The following SPECC1L variants were observed in gnomAD, a reference collection of about 807,000 sequenced individuals.
SPECC1L encodes sperm antigen with calponin homology and coiled-coil domains 1 like.
Under a neutral mutation model 116.8 loss-of-function variants are expected in SPECC1L, and 40 were observed. That is an observed-to-expected ratio of 0.34 (90% CI 0.27 to 0.45). The LOEUF is 0.45. Ranked by LOEUF, SPECC1L falls within the 20% of genes least tolerant of loss-of-function variation. SPECC1L has a pLI of 1.00. For synonymous variants in SPECC1L, 504 were observed against 500.6 expected, an observed-to-expected ratio of 1.01 and a Z score of -0.09; for missense variants, 1,110 against 1,373.6, an observed-to-expected ratio of 0.81 and a Z score of 3.03.
chr22:24,370,890 A>C (rs1209565354), intron 14 of SPECC1L, among the ~76,000 whole-genome samples: 2 of 152,018 alleles, frequency 1.3e-5, no homozygotes, highest in Non-Finnish European at 2.9e-5. Context: ...TATAGAGACA[A>C]AAAGTAGAAT....
intron 11 of SPECC1L, among the ~76,000 whole-genome samples, chr22:24,358,229 G>A (rs1312016273): frequency 2.0e-5 from 3 of 149,554 alleles, no homozygotes; most frequent in Admixed American, 6.7e-5. Context: ...GTCCTCCCAC[G>A]TCAGTCCCCC....
At chr22:24,412,326 T>G in intron 15 of SPECC1L, 1 of 436,608 alleles carries the variant, frequency 2.3e-6, no homozygotes. Flanking sequence ...GGAAGCTCAT[T>G]TGATGAGTGT....
At chr22:24,399,091 A>G (rs528259433) in intron 14 of SPECC1L, among the ~76,000 whole-genome samples, 3 of 152,302 alleles carry the variant, frequency 2.0e-5, no homozygotes, top group East Asian at 1.9e-4. Flanking sequence ...CCTGACACCC[A>G]TCTCTGCCTG....
At chr22:24,383,174 T>C (rs1440775513) in intron 14 of SPECC1L, among the ~76,000 whole-genome samples, 1 of 152,242 alleles carries the variant, frequency 6.6e-6, no homozygotes, top group Non-Finnish European at 1.5e-5. Context: ...GCTTTAAATC[T>C]AACTTCAAAA....
chr22:24,360,609 A>G (rs992430888), intron 11 of SPECC1L, among the ~76,000 whole-genome samples: 4 of 152,172 alleles, frequency 2.6e-5, no homozygotes, highest in Non-Finnish European at 5.9e-5. Flanking sequence ...GAAAATTAAG[A>G]TAACTTAGAC....
intron 5 of SPECC1L, among the ~76,000 whole-genome samples, chr22:24,323,929 A>G (rs775038261): frequency 1.4e-4 from 22 of 152,212 alleles, no homozygotes; most frequent in Non-Finnish European, 2.6e-4. Flanking sequence ...TTTCAGTCCA[A>G]AGTTAGGAGA....
At chr22:24,287,955 A>G (rs1324399376) in intron 2 of SPECC1L, among the ~76,000 whole-genome samples, 1 of 152,158 alleles carries the variant, frequency 6.6e-6, no homozygotes, top group South Asian at 2.1e-4. Context: ...CAGGTAAGCA[A>G]TAAGGCCCTG....
intron 14 of SPECC1L, among the ~76,000 whole-genome samples, chr22:24,378,580 G>C (rs188152161): frequency 6.6e-6 from 1 of 152,200 alleles, no homozygotes; most frequent in African/African-American, 2.4e-5. Context: ...TAAAGTGAAA[G>C]ATGTGCGAGT....
chr22:24,288,936 T>C (rs2049104320), intron 2 of SPECC1L, among the ~76,000 whole-genome samples: 1 of 152,212 alleles, frequency 6.6e-6, no homozygotes, highest in African/African-American at 2.4e-5. Flanking sequence ...TTATAAGCTT[T>C]TTAGAAAGGA....
intron 8 of SPECC1L, 70 bp downstream of exon 8, chr22:24,330,501 G>A: frequency 1.3e-6 from 2 of 1,536,204 alleles, no homozygotes; most frequent in Non-Finnish European, 1.8e-6. Context: ...TTTTTGATGT[G>A]GTGCTATGGA....
chr22:24,309,452 G>T (rs536416199), intron 3 of SPECC1L, among the ~76,000 whole-genome samples: 38 of 152,142 alleles, frequency 2.5e-4, no homozygotes, highest in Non-Finnish European at 5.3e-4. Context: ...CCAGGCTGGA[G>T]TACAGTGGCG....
chr22:24,401,468 G>A (rs1341723083), intron 14 of SPECC1L, among the ~76,000 whole-genome samples: 1 of 152,210 alleles, frequency 6.6e-6, no homozygotes, highest in African/African-American at 2.4e-5. Context: ...CTCTGATAAC[G>A]AGGTCAGTCA....
intron 14 of SPECC1L, among the ~76,000 whole-genome samples, chr22:24,407,385 G>A (rs1049842984): frequency 1.3e-5 from 2 of 152,184 alleles, no homozygotes; most frequent in Non-Finnish European, 2.9e-5. Context: ...GCGGGGTGTT[G>A]GGTTTATCTT....
chr22:24,328,762 C>A, intron 6 of SPECC1L, 84 bp from the exon 7 acceptor site: 1 of 1,071,640 alleles, frequency 9.3e-7, no homozygotes, highest in South Asian at 1.4e-5. Context: ...TTTCGAATGT[C>A]ATATTTAAGT....
intron 6 of SPECC1L, among the ~76,000 whole-genome samples, chr22:24,327,291 A>AC (rs2040844105): frequency 6.8e-6 from 1 of 146,938 alleles, no homozygotes; most frequent in Non-Finnish European, 1.5e-5. Flanking sequence ...AAAAAAAAAA[A>AC]AAAAAAAAAA....
chr22:24,343,440 A>C (rs1049280944), intron 10 of SPECC1L: 2 of 448,598 alleles, frequency 4.5e-6, no homozygotes, highest in African/African-American at 4.0e-5. Flanking sequence ...GAAGACAACA[A>C]AATGGTTGTG....
chr22:24,394,150 G>A (rs538424419), intron 14 of SPECC1L, among the ~76,000 whole-genome samples: 14 of 152,120 alleles, frequency 9.2e-5, no homozygotes, highest in East Asian at 1.9e-4. Context: ...GAACGTTCAC[G>A]TGCAGGTGTT....
At chr22:24,387,063 G>A (rs1196654256) in intron 14 of SPECC1L, among the ~76,000 whole-genome samples, 2 of 152,102 alleles carry the variant, frequency 1.3e-5, no homozygotes, top group Non-Finnish European at 2.9e-5. Flanking sequence ...CTGCTGACAG[G>A]GCTCTAAACT....
chr22:24,408,288 C>A (rs371245703), intron 14 of SPECC1L, among the ~76,000 whole-genome samples: 9 of 152,358 alleles, frequency 5.9e-5, no homozygotes, highest in African/African-American at 2.2e-4. Context: ...CTGTTTGCCA[C>A]AAGGCACCTT....
Sources: allele counts gnomAD v4.1 joint callset (sites outside exome capture counted in the v4.1 genomes callset), GRCh38; gene constraint gnomAD v4.1.1; transcripts MANE v1.5; gene names NCBI Gene and HGNC (gene_info 2026-07-23, HGNC 2026-07-21).